Variants in DRC11 observed in about 807,000 individuals in gnomAD.
The protein encoded by DRC11 is IQ and AAA domain-containing protein 1.
At chr2:236,500,749 C>T in the DRC11 span, among the ~76,000 whole-genome samples, 1 of 152,198 alleles carries the variant, frequency 6.6e-6, no homozygotes, top group African/African-American at 2.4e-5. The surrounding 1 kb of genome is among the most constrained non-coding windows in gnomAD (Gnocchi z 6.3). Context: ...GTTGCCCAGG[C>T]TAGAGTGCAG....
the DRC11 span, among the ~76,000 whole-genome samples, chr2:236,489,508 T>C: frequency 1.3e-5 from 2 of 152,044 alleles, no homozygotes; most frequent in Non-Finnish European, 2.9e-5. Flanking sequence ...GCAGGCTCAA[T>C]GGGAGGCCCC....
At chr2:236,432,732 T>C in the DRC11 span, among the ~76,000 whole-genome samples, 3 of 152,186 alleles carry the variant, frequency 2.0e-5, no homozygotes, top group Non-Finnish European at 2.9e-5. Context: ...TCAGGGGTCA[T>C]TGTTTCCATG....
chr2:236,467,104 T>C, the DRC11 span, among the ~76,000 whole-genome samples: 3 of 152,212 alleles, frequency 2.0e-5, no homozygotes, highest in Non-Finnish European at 4.4e-5. Flanking sequence ...GTGTTTATAA[T>C]GCTTTACTCT....
At chr2:236,486,894 G>A in the DRC11 span, 9 of 1,604,606 alleles carry the variant, frequency 5.6e-6, no homozygotes, top group African/African-American at 1.3e-5. The surrounding 1 kb of genome is among the most constrained non-coding windows in gnomAD (Gnocchi z 5.7). Flanking sequence ...TGGAAACGTC[G>A]CCAAACCTAA....
chr2:236,458,977 G>A, the DRC11 span, among the ~76,000 whole-genome samples: 1 of 152,096 alleles, frequency 6.6e-6, no homozygotes, highest in Non-Finnish European at 1.5e-5. Context: ...CCCAGGAGTT[G>A]GAGGTTGTAG....
chr2:236,407,951 A>G, the DRC11 span: 1 of 530,906 alleles, frequency 1.9e-6, no homozygotes, highest in Admixed American at 1.9e-5. Flanking sequence ...CCATGGCCAA[A>G]CTTGGCAGTG....
At chr2:236,491,033 A>G in the DRC11 span, among the ~76,000 whole-genome samples, 13 of 140,308 alleles carry the variant, frequency 9.3e-5, no homozygotes, top group Admixed American at 2.2e-4. Flanking sequence ...ATATGTGTGT[A>G]TATATATATA....
At chr2:236,481,605 G>T in the DRC11 span, among the ~76,000 whole-genome samples, 17 of 151,994 alleles carry the variant, frequency 1.1e-4, no homozygotes, top group African/African-American at 3.9e-4. Flanking sequence ...TTGGTGAGCT[G>T]CTTTTACTTT....
chr2:236,370,978 A>G, the DRC11 span, among the ~76,000 whole-genome samples: 7 of 152,126 alleles, frequency 4.6e-5, no homozygotes, highest in South Asian at 6.2e-4. This position sits in a 1 kb window ranked among gnomAD's most constrained non-coding sequence, Gnocchi z 5.5. Flanking sequence ...TGGGAGTTCA[A>G]TGGTGTTGAG....
the DRC11 span, among the ~76,000 whole-genome samples, chr2:236,335,838 T>C: frequency 1.3e-5 from 2 of 152,134 alleles, no homozygotes; most frequent in South Asian, 2.1e-4. The surrounding 1 kb of genome is among the most constrained non-coding windows in gnomAD (Gnocchi z 5.6). Flanking sequence ...ACCCCCGGCA[T>C]TGGCTGTGTG....
the DRC11 span, among the ~76,000 whole-genome samples, chr2:236,403,004 G>A: frequency 5.3e-5 from 8 of 151,516 alleles, no homozygotes; most frequent in Admixed American, 2.0e-4. Context: ...TTACTTTTTC[G>A]TCAATGTTAT....
the DRC11 span, among the ~76,000 whole-genome samples, chr2:236,383,499 C>T: frequency 6.6e-6 from 1 of 151,924 alleles, no homozygotes; most frequent in South Asian, 2.1e-4. Flanking sequence ...TTAATATTCT[C>T]CTCTTGATCT....
the DRC11 span, among the ~76,000 whole-genome samples, chr2:236,325,194 G>A: frequency 6.6e-6 from 1 of 152,094 alleles, no homozygotes; most frequent in Non-Finnish European, 1.5e-5. The surrounding 1 kb of genome is among the most constrained non-coding windows in gnomAD (Gnocchi z 4.4). Context: ...TTGAAACCAC[G>A]GTAGAAATAA....
the DRC11 span, among the ~76,000 whole-genome samples, chr2:236,447,397 AC>A: frequency 6.6e-6 from 1 of 151,604 alleles, no homozygotes; most frequent in Non-Finnish European, 1.5e-5. This position sits in a 1 kb window ranked among gnomAD's most constrained non-coding sequence, Gnocchi z 4.6. Context: ...GAGGAGAGAG[AC>A]CTGGACAGAA....
the DRC11 span, among the ~76,000 whole-genome samples, chr2:236,313,068 C>T: frequency 1.3e-5 from 2 of 152,168 alleles, no homozygotes; most frequent in East Asian, 3.9e-4. This position sits in a 1 kb window ranked among gnomAD's most constrained non-coding sequence, Gnocchi z 4.5. Context: ...GATGGATTTA[C>T]TCATGAATGC....
chr2:236,420,837 C>T, the DRC11 span, among the ~76,000 whole-genome samples: 2 of 152,108 alleles, frequency 1.3e-5, no homozygotes, highest in African/African-American at 4.8e-5. The surrounding 1 kb of genome is among the most constrained non-coding windows in gnomAD (Gnocchi z 4.8). Context: ...CAGACAAAGG[C>T]TCACCTTGAC....
chr2:236,444,139 T>A, the DRC11 span, among the ~76,000 whole-genome samples: 1 of 152,236 alleles, frequency 6.6e-6, no homozygotes, highest in Non-Finnish European at 1.5e-5. Context: ...TTCTGTAGGT[T>A]GTCTGTTCAC....
At chr2:236,343,736 C>A in the DRC11 span, 1 of 1,304,136 alleles carries the variant, frequency 7.7e-7, no homozygotes, top group South Asian at 1.2e-5. The surrounding 1 kb of genome is among the most constrained non-coding windows in gnomAD (Gnocchi z 6.6). Context: ...TTCTGCAATG[C>A]AGCAACTTCG....
At chr2:236,347,495 TA>T in the DRC11 span, among the ~76,000 whole-genome samples, 6 of 145,798 alleles carry the variant, frequency 4.1e-5, 1 homozygote, top group Non-Finnish European at 9.1e-5. Context: ...AACGAGTGGA[TA>T]AAAAAACTGT....
Sources: gnomAD v4.1 joint callset for allele counts (sites outside exome capture counted in the v4.1 genomes callset) on GRCh38, gnomAD v4.1.1 for gene constraint, Gnocchi (gnomAD v3.1) non-coding constraint, MANE v1.5 for transcripts, NCBI Gene and HGNC (gene_info 2026-07-23, HGNC 2026-07-21) for gene names.